The following MYH15 variants were observed in gnomAD, a reference collection of about 807,000 sequenced individuals.
MYH15 encodes myosin heavy chain 15.
Under a neutral mutation model 240.5 loss-of-function variants are expected in MYH15, and 227 were observed. That is an observed-to-expected ratio of 0.94 (90% CI 0.85 to 1.05). The LOEUF is 1.05. Among genes scored for constraint, MYH15 ranks in the 50% least tolerant of loss-of-function variants. The pLI, the probability that MYH15 is intolerant of heterozygous loss-of-function variation, is 0.00. For missense variants in MYH15, 2,217 were observed against 2,247.5 expected (o/e 0.99, Z 0.27); for synonymous variants, 785 against 796.7 (o/e 0.99, Z 0.25).
intron 11 of MYH15, among the ~76,000 whole-genome samples, chr3:108,480,590 TGCAG>T (rs2083259383): frequency 6.6e-6 from 1 of 152,128 alleles, no homozygotes; most frequent in Admixed American, 6.5e-5. Flanking sequence ...GTGAACCCAT[TGCAG>T]AATGCTGAAG....
chr3:108,419,252 T>C (rs2082661988), intron 28 of MYH15, among the ~76,000 whole-genome samples: 2 of 152,058 alleles, frequency 1.3e-5, no homozygotes, highest in African/African-American at 4.8e-5. Flanking sequence ...ATAAACAATC[T>C]GGAACGTGGA....
In MYH15 at chr3:108,498,145, T is replaced by A; in HGVS notation, c.525A>T (p.Thr175=). ...CAGTCTTTCCAGCACCAGATTCTCC[T>A]CTGTGATTTGAAATTCAGTGATACA... is the stretch of plus-strand genomic sequence containing the variant. ...HNRENQSILF[T]GESGAGKTVN... Residue 175 remains threonine, a splice_region_variant and synonymous_variant, in exon 6 of 41, where the codon ACA becomes ACT. Coordinates refer to ENST00000693548, the MANE Select transcript of MYH15 (RefSeq NM_014981.3). The A allele has an allele frequency of 6.2e-7, 1 of 1,613,810 alleles. No individual in the cohort carries two copies. The highest frequency in any genetic ancestry group is 8.5e-7 in the Non-Finnish European group (1 of 1,179,740).
At chr3:108,528,055 A>G (rs1042532636) in intron 1 of MYH15, among the ~76,000 whole-genome samples, 1 of 152,152 alleles carries the variant, frequency 6.6e-6, no homozygotes, top group African/African-American at 2.4e-5. Context: ...TCCTTATAAC[A>G]GTATTAATCC....
chr3:108,481,345 AT>A (rs2083265171), intron 11 of MYH15, among the ~76,000 whole-genome samples: 1 of 152,234 alleles, frequency 6.6e-6, no homozygotes, highest in Non-Finnish European at 1.5e-5. Context: ...TGCCAGGCAC[AT>A]TTTAAAACCT....
intron 15 of MYH15, among the ~76,000 whole-genome samples, chr3:108,464,405 G>C (rs1329273355): frequency 1.3e-5 from 2 of 152,214 alleles, no homozygotes; most frequent in Non-Finnish European, 1.5e-5. Context: ...CTTGCTTTGA[G>C]TTGAGGTTGA....
chr3:108,404,337 G>A, intron 33 of MYH15, among the ~76,000 whole-genome samples: 1 of 152,108 alleles, frequency 6.6e-6, no homozygotes, highest in Non-Finnish European at 1.5e-5. Context: ...CTTAAAAAAA[G>A]ACTGTTTAAC....
intron 1 of MYH15, among the ~76,000 whole-genome samples, chr3:108,507,039 A>G (rs573740680): frequency 1.4e-4 from 22 of 152,094 alleles, no homozygotes; most frequent in Non-Finnish European, 2.6e-4. Context: ...TCAAAAATAA[A>G]AAATAAAGAA....
At chr3:108,388,528 C>T (rs545366631) in intron 38 of MYH15, among the ~76,000 whole-genome samples, 18 of 152,148 alleles carry the variant, frequency 1.2e-4, no homozygotes, top group South Asian at 4.2e-4. Context: ...TGAGTGTTTG[C>T]GCAACCAGAA....
chr3:108,450,593 T>A (rs139967626), intron 21 of MYH15, among the ~76,000 whole-genome samples: 1 of 152,324 alleles, frequency 6.6e-6, no homozygotes, highest in African/African-American at 2.4e-5. Flanking sequence ...GTTTCACTTA[T>A]GCAAGATGAG....
chr3:108,441,085 T>G lies in MYH15; in HGVS notation c.2831A>C (p.Lys944Thr), dbSNP rs371327462. 1.1e-5 allele frequency: 18 copies of G among 1,614,066 alleles called. No individual in the cohort carries two copies. The African/African-American group carries it at 2.4e-4, about 22-fold the overall frequency. Reference sequence around the variant, plus strand: ...CATTGTTTCCAGGTCATCGATTTCTTTCTTCAACTCAAAACATTCATCTTC... The same window carrying G: ...CATTGTTTCCAGGTCATCGATTTCTGTCTTCAACTCAAAACATTCATCTTC... ...KLEDECFELK[K>T]EIDDLETMLV... is the part of the protein sequence containing the mutation. Residue 944 changes from lysine (K) to threonine (T), a missense_variant, in exon 23 of 41, where the codon AAA becomes ACA. Transcript: ENST00000693548.
intron 23 of MYH15, among the ~76,000 whole-genome samples, chr3:108,440,311 G>A (rs2082874774): frequency 6.6e-6 from 1 of 152,090 alleles, no homozygotes; most frequent in Non-Finnish European, 1.5e-5. Context: ...TTGTGCCTCA[G>A]TATCCCAAGA....
intron 33 of MYH15, among the ~76,000 whole-genome samples, chr3:108,399,887 GA>G (rs567456929): frequency 6.3e-4 from 96 of 151,912 alleles, no homozygotes; most frequent in Admixed American, 1.2e-3. Flanking sequence ...TCCTTCCTAA[GA>G]AAAAAAACTA....
chr3:108,410,964 A>C, intron 30 of MYH15, 32 bp from the exon 31 acceptor site: 1 of 1,520,880 alleles, frequency 6.6e-7, no homozygotes, highest in Non-Finnish European at 9.0e-7. Context: ...AGAGTGAGTG[A>C]GGCAATAACT....
the MYH15 span, among the ~76,000 whole-genome samples, chr3:108,542,347 A>G: frequency 6.6e-6 from 1 of 152,164 alleles, no homozygotes; most frequent in Non-Finnish European, 1.5e-5. Context: ...CCACCATTAT[A>G]GTATTATACA....
rs761836736 is a variant in MYH15 at position 108,505,844 on chromosome 3, A to AAG, written c.89-16_89-15insCT. On this transcript the variant is annotated splice_polypyrimidine_tract_variant and intron_variant, in intron 1 of 40. Coordinates refer to ENST00000693548, the MANE Select transcript of MYH15 (RefSeq NM_014981.3). ...TTTCTTCTTCCCTGTAGAGCAAAAA[A>AAG]AAAAAAAAATGGATTATAGCTATAG... 1.3e-4 allele frequency: 196 copies of AAG among 1,547,224 alleles called. 1 individual carries two copies. The East Asian group carries it at 4.4e-3, about 35-fold the overall frequency.
chr3:108,399,255 C>T lies in MYH15; in HGVS notation c.4749G>A (p.Gln1583=). The change falls in exon 34 of 41, where the codon CAG becomes CAA. Residue 1583 remains glutamine, a synonymous_variant. Transcript: ENST00000693548. ...EEIENFRRKQ[Q]CTIDSLQSSL... ...TAGACTGCAGGGAGTCAATGGTACA[C>T]TGCTGCTTCCTCCTAATTTGAAATA... 1.2e-6 allele frequency: 2 copies of T among 1,609,442 alleles called. No individual in the cohort carries two copies. Among genetic ancestry groups the T allele is most frequent in the Non-Finnish European group, 1.7e-6 (2 of 1,177,312 alleles).
rs773265767 is a variant in MYH15, at chr3:108,384,672, T to TC, written c.5631+14dup. ...CTGGGAAATCCATGAGGCTGAAACT[T>TC]CCCCAGGCACTCACCGCCACCTCGA... On this transcript the variant is annotated intron_variant, in intron 39 of 40. Coordinates refer to ENST00000693548, the MANE Select transcript of MYH15 (RefSeq NM_014981.3). 3.7e-6 allele frequency: 6 copies of TC among 1,608,554 alleles called. No homozygotes were observed. The highest frequency in any genetic ancestry group is 5.1e-6 in the Non-Finnish European group (6 of 1,175,512).
intron 32 of MYH15, 63 bp from the exon 33 acceptor site, chr3:108,405,516 C>T (rs2082540040): frequency 7.4e-6 from 8 of 1,082,364 alleles, no homozygotes; most frequent in Non-Finnish European, 1.0e-5. Context: ...GTATTTTTTA[C>T]CCAAAACATA....
Position 108,403,987 on chromosome 3 carries a change from C to CT in MYH15, c.4736+1350dup, listed in dbSNP as rs11346006. Among the ~76,000 whole-genome samples the CT allele has an allele frequency of 1.8e-3, 264 of 148,370 alleles. 3 individuals carry two copies. The highest frequency in any genetic ancestry group is 5.6e-3 in the African/African-American group (225 of 40,472). ...TACTTGAAATCAGTGTTATTTGTTG[C>CT]TTTTTTTTTTTTTATCTGCACAAGG... On this transcript the variant is annotated intron_variant, in intron 33 of 40. Coordinates refer to ENST00000693548, the MANE Select transcript of MYH15 (RefSeq NM_014981.3).
Sources: gnomAD v4.1 joint callset for allele counts (sites outside exome capture counted in the v4.1 genomes callset) on GRCh38, gnomAD v4.1.1 for gene constraint, MANE v1.5 for transcripts, NCBI Gene and HGNC (gene_info 2026-07-23, HGNC 2026-07-21) for gene names.